Variants in TRPS1 observed in about 807,000 individuals in gnomAD.
The protein encoded by TRPS1 is zinc finger transcription factor Trps1.
A neutral mutation model predicts 101.2 loss-of-function variants in TRPS1; 6 were observed. The ratio of observed to expected loss-of-function variants is 0.06; its 90% CI spans 0.03 to 0.12. TRPS1 has a LOEUF of 0.12. Among genes scored for constraint, TRPS1 ranks in the 10% least tolerant of loss-of-function variants. The probability of loss-of-function intolerance (pLI) is 1.00; values close to 1 mark genes in which losing one functional copy is unlikely to be tolerated. For synonymous variants in TRPS1, 578 were observed against 589.8 expected, an observed-to-expected ratio of 0.98 and a Z score of 0.29; for missense variants, 1,363 against 1,567.0, an observed-to-expected ratio of 0.87 and a Z score of 2.20.
intron 1 of TRPS1, among the ~76,000 whole-genome samples, chr8:115,666,944 C>T (rs1811935856): frequency 1.3e-5 from 2 of 152,180 alleles, no homozygotes; most frequent in Non-Finnish European, 2.9e-5. Flanking sequence ...CCTAACTTGT[C>T]TCAGATTTAA....
intron 5 of TRPS1, among the ~76,000 whole-genome samples, chr8:115,453,365 G>A (rs1260467524): frequency 6.6e-6 from 1 of 152,084 alleles, no homozygotes; most frequent in African/African-American, 2.4e-5. Context: ...TCAGCTGAGC[G>A]TTTACTGACA....
intron 5 of TRPS1, among the ~76,000 whole-genome samples, chr8:115,533,650 A>T (rs1476269608): frequency 6.6e-6 from 1 of 151,940 alleles, no homozygotes; most frequent in African/African-American, 2.4e-5. Flanking sequence ...TTCTGTCTGA[A>T]CATGGTGTCT....
intron 5 of TRPS1, among the ~76,000 whole-genome samples, chr8:115,445,656 G>A (rs1383659889): frequency 6.6e-6 from 1 of 152,102 alleles, no homozygotes; most frequent in Admixed American, 6.5e-5. Context: ...AGAATTAAAT[G>A]ACTCAATATA....
At chr8:115,570,677 A>G (rs1196112783) in intron 5 of TRPS1, among the ~76,000 whole-genome samples, 2 of 90,580 alleles carry the variant, frequency 2.2e-5, no homozygotes, top group African/African-American at 9.2e-5. Flanking sequence ...CTCAAAAAAA[A>G]CACACACACA....
chr8:115,455,775 CTT>C (rs386413741), intron 5 of TRPS1, among the ~76,000 whole-genome samples: 4 of 119,958 alleles, frequency 3.3e-5, no homozygotes, highest in African/African-American at 1.0e-4. Context: ...TTCTTTCTTT[CTT>C]TTTTTTTTTT....
intron 1 of TRPS1, chr8:115,668,140 A>G (rs949448606): frequency 3.4e-6 from 2 of 581,740 alleles, no homozygotes; most frequent in Admixed American, 6.1e-5. Context: ...GACCCTGCTG[A>G]CTCCAGGGGC....
intron 3 of TRPS1, among the ~76,000 whole-genome samples, chr8:115,614,228 T>A (rs967024034): frequency 6.6e-6 from 1 of 152,174 alleles, no homozygotes; most frequent in Non-Finnish European, 1.5e-5. Context: ...AGGTAAAAGA[T>A]TTTCTTAGGA....
At chr8:115,472,265 T>C (rs1174057223) in intron 5 of TRPS1, among the ~76,000 whole-genome samples, 1 of 152,250 alleles carries the variant, frequency 6.6e-6, no homozygotes, top group Non-Finnish European at 1.5e-5. Flanking sequence ...TCTTGACTTC[T>C]GTGAACCTTC....
chr8:115,597,377 T>C (rs1445880972), intron 4 of TRPS1, among the ~76,000 whole-genome samples: 1 of 152,046 alleles, frequency 6.6e-6, no homozygotes, highest in Non-Finnish European at 1.5e-5. Flanking sequence ...TATAACTTTA[T>C]CAATCCTTAG....
chr8:115,636,374 A>G (rs990028741), intron 1 of TRPS1, among the ~76,000 whole-genome samples: 6 of 152,182 alleles, frequency 3.9e-5, no homozygotes, highest in Non-Finnish European at 7.3e-5. Flanking sequence ...TCATACATAC[A>G]TTCTTCTTAT....
rs965777285 is a variant in TRPS1, at chr8:115,667,936, TGGCGGC to T, written c.-122+603_-122+608del. 11 of 1,533,196 alleles carry T rather than the reference TGGCGGC, an allele frequency of 7.2e-6. No homozygotes were observed. The African/African-American group carries it at 1.1e-4, about 15-fold the overall frequency. The allele number at this position is 1,533,196 out of a possible 1,614,324, so 95.0% of individuals were successfully genotyped here. A position where few individuals can be genotyped will look rare whatever the true frequency, so the allele number is the denominator to read the frequency against. ...TCACGAGCCCCCAGAAAACTTGCAG[TGGCGGC>T]GGCGGCGGCGGCCCCTCGGGTCCAA... On this transcript the variant is annotated intron_variant, in intron 1 of 6. Transcript: ENST00000395715.
rs1817585043 is a variant in TRPS1, at chr8:115,587,304, A to T, written c.2397T>A (p.Ser799Arg). 2.5e-6 allele frequency: 4 copies of T among 1,614,098 alleles called. No homozygotes were observed. Among genetic ancestry groups the T allele is most frequent in the Non-Finnish European group, 2.5e-6 (3 of 1,180,000 alleles). ...LKEKVWTESS[S>R]DDLRNVTWRG... is the part of the protein sequence containing the mutation. ...TCCAAGTCACATTGCGAAGGTCATC[A>T]CTGGAACTCTCGGTCCAAACTTTCT... The change falls in exon 5 of 7, where the codon AGT becomes AGA. Residue 799 changes from serine (S) to arginine (R), a missense_variant. Physicochemically the swap from Ser to Arg is moderately radical, Grantham distance 110 (BLOSUM62 -1). Around this residue, in one of 5 missense-constraint regions of TRPS1, gnomAD observed 1,020 missense variants for 1,073.0 expected, o/e 0.95. Transcript: ENST00000395715.
intron 5 of TRPS1, among the ~76,000 whole-genome samples, chr8:115,571,482 G>A (rs1284301791): frequency 6.6e-6 from 1 of 152,100 alleles, no homozygotes; most frequent in East Asian, 1.9e-4. Flanking sequence ...AAGCTTGGAA[G>A]ATTTTAATCA....
chr8:115,472,814 C>T (rs556076902), intron 5 of TRPS1, among the ~76,000 whole-genome samples: 1 of 152,306 alleles, frequency 6.6e-6, no homozygotes, highest in South Asian at 2.1e-4. Flanking sequence ...CAAAGTTCCA[C>T]AGATCTCTAG....
chr8:115,546,718 A>G (rs1225947937), intron 5 of TRPS1, among the ~76,000 whole-genome samples: 1 of 152,150 alleles, frequency 6.6e-6, no homozygotes, highest in East Asian at 1.9e-4. Flanking sequence ...ATAAGTACCT[A>G]ATATAAGCAG....
chr8:115,413,951 T>G lies in TRPS1; in HGVS notation c.*72A>C. On this transcript the variant is annotated 3_prime_UTR_variant, in exon 7 of 7. Transcript: ENST00000395715. ...GAAGTATTTTTTTAATAGGTCTTCA[T>G]AAGACATTACAAGCTATTGAATTCC... 1 of 1,487,938 alleles carries G rather than the reference T, an allele frequency of 6.7e-7. No individual in the cohort carries two copies. The highest frequency in any genetic ancestry group is 1.4e-5 in the African/African-American group (1 of 71,492). 92.2% of individuals were successfully genotyped at this position (1,487,938 alleles called of 1,614,324 possible). A position where few individuals can be genotyped will look rare whatever the true frequency, so the allele number is the denominator to read the frequency against.
chr8:115,448,277 G>C (rs1263160155), intron 5 of TRPS1, among the ~76,000 whole-genome samples: 1 of 152,068 alleles, frequency 6.6e-6, no homozygotes, highest in African/African-American at 2.4e-5. Context: ...CATTATTCTT[G>C]TGATGTTTGA....
chr8:115,571,575 CTT>C (rs1817204175), intron 5 of TRPS1, among the ~76,000 whole-genome samples: 1 of 152,072 alleles, frequency 6.6e-6, no homozygotes, highest in Non-Finnish European at 1.5e-5. Context: ...TTTAAAATGA[CTT>C]AATGTGATAC....
intron 5 of TRPS1, among the ~76,000 whole-genome samples, chr8:115,431,321 TA>T (rs1236297609): frequency 1.3e-5 from 2 of 152,098 alleles, no homozygotes; most frequent in East Asian, 3.8e-4. Flanking sequence ...TTAATGTGCA[TA>T]TGCACAAAAC....
Sources: allele counts gnomAD v4.1 joint callset (sites outside exome capture counted in the v4.1 genomes callset), GRCh38; gene constraint gnomAD v4.1.1; regional missense constraint gnomAD v4.1.1; transcripts MANE v1.5; gene names NCBI Gene and HGNC (gene_info 2026-07-23, HGNC 2026-07-21).